Variants in TBX21 observed in about 807,000 individuals in gnomAD.
TBX21 encodes T-box transcription factor TBX21.
Under a neutral mutation model 52.2 loss-of-function variants are expected in TBX21, and 11 were observed. That is an observed-to-expected ratio of 0.21 (90% confidence interval 0.13 to 0.35). TBX21 has a LOEUF of 0.35. TBX21 is among the 10% of genes least tolerant of loss of function. The probability of loss-of-function intolerance (pLI) is 1.00; values close to 1 mark genes in which losing one functional copy is unlikely to be tolerated. For synonymous variants in TBX21, 300 were observed against 316.1 expected, an observed-to-expected ratio of 0.95 and a Z score of 0.54; for missense variants, 625 against 755.1, an observed-to-expected ratio of 0.83 and a Z score of 2.02.
chr17:47,734,622 G>T (rs62074058), intron 1 of TBX21, among the ~76,000 whole-genome samples: 23,276 of 97,496 alleles, frequency 0.24, 2,104 homozygotes, highest in African/African-American at 0.29. Context: ...TGTGTGTGTG[G>T]GTGTGTGTGT....
intron 3 of TBX21, among the ~76,000 whole-genome samples, chr17:47,743,879 CAAAAAAAAAA>C (rs772309900): frequency 1.6e-5 from 1 of 62,132 alleles, no homozygotes; most frequent in Non-Finnish European, 3.2e-5. Context: ...GACTCCGTCT[CAAAAAAAAAA>C]AAAAAAGAAA....
chr17:47,733,370 C>A lies in TBX21; in HGVS notation c.-85C>A. ...GCCCTCGGGTCCCCCGCCCCCTGCT[C>A]CCTGCCCATCCCAGCCCACGCGACC... On this transcript the variant is annotated 5_prime_UTR_variant, in exon 1 of 6. Coordinates refer to ENST00000177694, the MANE Select transcript of TBX21 (RefSeq NM_013351.2). The surrounding 1 kb of genome is among the most constrained non-coding windows in gnomAD (Gnocchi z 6.6). The A allele has an allele frequency of 7.3e-7, 1 of 1,367,076 alleles. No homozygotes were observed. Among genetic ancestry groups the A allele is most frequent in the South Asian group, 1.7e-5 (1 of 60,180 alleles). The allele number at this position is 1,367,076 out of a possible 1,614,324, so 84.7% of individuals were successfully genotyped here.
At chr17:47,739,885 A>T (rs2032248967) in intron 1 of TBX21, among the ~76,000 whole-genome samples, 1 of 151,216 alleles carries the variant, frequency 6.6e-6, no homozygotes, top group African/African-American at 2.4e-5. Flanking sequence ...AGCCTGGGGG[A>T]CAGAGCGAGA....
At chr17:47,743,521 A>G (rs2032291622) in intron 3 of TBX21, among the ~76,000 whole-genome samples, 1 of 152,170 alleles carries the variant, frequency 6.6e-6, no homozygotes, top group Non-Finnish European at 1.5e-5. Context: ...CATGAAAGGC[A>G]CAGAGTTGGC....
intron 1 of TBX21, among the ~76,000 whole-genome samples, chr17:47,738,978 A>C (rs984526496): frequency 3.9e-5 from 6 of 152,148 alleles, no homozygotes; most frequent in Non-Finnish European, 5.9e-5. Context: ...ATTTGCACTT[A>C]ATTACAGTGA....
At chr17:47,736,533 G>A (rs72648869) in intron 1 of TBX21, among the ~76,000 whole-genome samples, 7,069 of 152,058 alleles carry the variant, frequency 0.046, 189 homozygotes, top group Middle Eastern at 0.12. Flanking sequence ...CTCCATACGC[G>A]GGGTCCCTGT....
chr17:47,736,350 C>A (rs1301111881), intron 1 of TBX21, among the ~76,000 whole-genome samples: 2 of 152,086 alleles, frequency 1.3e-5, no homozygotes, highest in Non-Finnish European at 2.9e-5. Flanking sequence ...TAAGTACATT[C>A]TAGATATTAT....
chr17:47,745,713 G>T lies in TBX21; in HGVS notation c.*347G>T, dbSNP rs1182948116. On this transcript the variant is annotated 3_prime_UTR_variant, in exon 6 of 6. Transcript: ENST00000177694. ...ATCTAGTGGGTGGGAGGGGTCAGGTGTGGGACATGGGAGCAGGAGACTCCA... is the reference window on the plus strand; with the variant it reads ...ATCTAGTGGGTGGGAGGGGTCAGGTTTGGGACATGGGAGCAGGAGACTCCA... 3 of 243,186 alleles carry T rather than the reference G, an allele frequency of 1.2e-5. No homozygotes were observed. Among genetic ancestry groups the T allele is most frequent in the Non-Finnish European group, 2.4e-5 (3 of 125,694 alleles). 15.1% of individuals were successfully genotyped at this position (243,186 alleles called of 1,614,324 possible). A position where few individuals can be genotyped will look rare whatever the true frequency, so the allele number is the denominator to read the frequency against.
In TBX21 at chr17:47,744,809, G is replaced by T; in HGVS notation, c.1051G>T (p.Gly351Trp). ...GCCTGGACCCAACTGTCAATTCCTT[G>T]GGGGAGATCACTACTCTCCTCTCCT... ...SPPGPNCQFL[G>W]GDHYSPLLPN... The change falls in exon 6 of 6, where the codon GGG (glycine) becomes TGG (tryptophan). Residue 351 changes from glycine to tryptophan, a missense_variant. Around this residue, in one of 4 missense-constraint regions of TBX21, gnomAD observed 261 missense variants for 275.1 expected, o/e 0.95. Transcript: ENST00000177694. 1 of 1,614,110 alleles carries T rather than the reference G, an allele frequency of 6.2e-7. No homozygotes were observed. Among genetic ancestry groups the T allele is most frequent in the Non-Finnish European group, 8.5e-7 (1 of 1,180,004 alleles).
At chr17:47,738,249 C>G (rs1012842834) in intron 1 of TBX21, among the ~76,000 whole-genome samples, 1 of 152,208 alleles carries the variant, frequency 6.6e-6, no homozygotes, top group Admixed American at 6.5e-5. Context: ...CCTCAACCTG[C>G]TGGGCTCAAG....
In TBX21 at chr17:47,733,258, G is replaced by C; in HGVS notation, c.-197G>C. 1.5e-6 allele frequency: 1 copy of C among 672,040 alleles called. No individual in the cohort carries two copies. Among genetic ancestry groups the C allele is most frequent in the Non-Finnish European group, 2.2e-6 (1 of 444,472 alleles). The allele number at this position is 672,040 out of a possible 1,614,324, so 41.6% of individuals were successfully genotyped here. A position where few individuals can be genotyped will look rare whatever the true frequency, so the allele number is the denominator to read the frequency against. ...TCTAGTGACAGCGGCCCGCTGGAGA[G>C]GAAGCCCGAGAGCTGCCGCGCGCCT... On this transcript the variant is annotated 5_prime_UTR_variant, in exon 1 of 6. Coordinates refer to ENST00000177694, the MANE Select transcript of TBX21 (RefSeq NM_013351.2). This position sits in a 1 kb window ranked among gnomAD's most constrained non-coding sequence, Gnocchi z 6.6.
At chr17:47,743,307 C>G (rs1211204678) in intron 3 of TBX21, 115 bp downstream of exon 3, 6 of 1,380,824 alleles carry the variant, frequency 4.3e-6, no homozygotes, top group Non-Finnish European at 4.9e-6. Context: ...TTCCTTCCTA[C>G]AGGAAGGAAG....
rs151279999 is a variant in TBX21, at chr17:47,745,267, C to T, written c.1509C>T (p.Ser503=). The T allele has an allele frequency of 1.5e-3, 2,446 of 1,614,216 alleles. 5 individuals carry two copies. Among genetic ancestry groups the T allele is most frequent in the South Asian group, 3.0e-3 (276 of 91,086 alleles). The change falls in exon 6 of 6, where the codon TCC becomes TCT. Residue 503 remains serine (S), a synonymous_variant. Coordinates refer to ENST00000177694, the MANE Select transcript of TBX21 (RefSeq NM_013351.2). ...GAGACTCTAAGAGGAGGCGCGTGTC[C>T]CCCTATCCTTCCAGTGGTGACAGCT... ...GEGDSKRRRV[S]PYPSSGDSSS... is the part of the protein sequence containing the mutation.
chr17:47,742,605 T>C lies in TBX21; in HGVS notation c.492-5T>C. The C allele has an allele frequency of 6.3e-7, 1 of 1,598,034 alleles. No individual in the cohort carries two copies. The highest frequency in any genetic ancestry group is 1.3e-5 in the African/African-American group (1 of 74,742). On this transcript the variant is annotated splice_polypyrimidine_tract_variant and splice_region_variant and intron_variant, in intron 1 of 5. Coordinates refer to ENST00000177694, the MANE Select transcript of TBX21 (RefSeq NM_013351.2). This position sits in a 1 kb window ranked among gnomAD's most constrained non-coding sequence, Gnocchi z 4.4. ...GGTGCTGGGGGCTTTCTCTCTTCTC[T>C]CCAGGCGGATGTTCCCATTCCTGTC...
At chr17:47,743,546 G>A (rs2032292044) in intron 3 of TBX21, among the ~76,000 whole-genome samples, 1 of 152,118 alleles carries the variant, frequency 6.6e-6, no homozygotes, top group Admixed American at 6.5e-5. Flanking sequence ...TGGTCCCAGG[G>A]AATAGATGCC....
intron 1 of TBX21, among the ~76,000 whole-genome samples, chr17:47,734,593 GTGT>G (rs1567918890): frequency 7.1e-6 from 1 of 140,460 alleles, no homozygotes; most frequent in Non-Finnish European, 1.6e-5. Flanking sequence ...GTGTGTGTGT[GTGT>G]GTGTGTGTGT....
rs747984904 is a variant in TBX21, at chr17:47,733,989, G to A, written c.491+44G>A. 5.0e-6 allele frequency: 8 copies of A among 1,611,414 alleles called. No individual in the cohort carries two copies. Among genetic ancestry groups the A allele is most frequent in the Admixed American group, 3.3e-5 (2 of 59,944 alleles). On this transcript the variant is annotated intron_variant, in intron 1 of 5. Coordinates refer to ENST00000177694, the MANE Select transcript of TBX21 (RefSeq NM_013351.2). This position sits in a 1 kb window ranked among gnomAD's most constrained non-coding sequence, Gnocchi z 6.6. ...CCCTTGGGGCCTCTGTGCCCGCGCCGGAACAAGAACGTCTCGTCTGTTTTT... is the reference window on the plus strand; with the variant it reads ...CCCTTGGGGCCTCTGTGCCCGCGCCAGAACAAGAACGTCTCGTCTGTTTTT...
At chr17:47,743,587 A>G (rs1211423053) in intron 3 of TBX21, among the ~76,000 whole-genome samples, 4 of 152,106 alleles carry the variant, frequency 2.6e-5, no homozygotes, top group African/African-American at 9.7e-5. Context: ...ATCCTGTTAA[A>G]AGTGCCCTTG....
In TBX21 at chr17:47,745,374, A is replaced by G; in HGVS notation, c.*8A>G. ...AACTATTTTCCCAACTGAGCAGATG[A>G]CATGATGAAAGGAACAGAAACAGTG... On this transcript the variant is annotated 3_prime_UTR_variant, in exon 6 of 6. Transcript: ENST00000177694. The G allele has an allele frequency of 1.3e-6, 2 of 1,579,282 alleles. No individual in the cohort carries two copies.
Sources: gnomAD v4.1 joint callset for allele counts (sites outside exome capture counted in the v4.1 genomes callset) on GRCh38, gnomAD v4.1.1 for gene constraint, gnomAD v4.1.1 regional missense constraint, Gnocchi (gnomAD v3.1) non-coding constraint, MANE v1.5 for transcripts, NCBI Gene and HGNC (gene_info 2026-07-23, HGNC 2026-07-21) for gene names.